Variants in MICU1 observed in about 807,000 individuals in gnomAD.
MICU1 encodes calcium uptake protein 1, mitochondrial.
A neutral mutation model predicts 56.8 loss-of-function variants in MICU1; 45 were observed. The observed-to-expected ratio is 0.79, with a 90% confidence interval of 0.62 to 1.02. MICU1 has a LOEUF of 1.02. Among genes scored for constraint, MICU1 ranks in the 50% least tolerant of loss-of-function variants. The pLI, the probability that MICU1 is intolerant of heterozygous loss-of-function variation, is 0.00. For missense variants in MICU1, 504 were observed against 587.1 expected (o/e 0.86, Z 1.46); for synonymous variants, 186 against 195.1 (o/e 0.95, Z 0.39).
At chr10:72,398,148 A>T (rs544626134) in intron 10 of MICU1, among the ~76,000 whole-genome samples, 1 of 152,074 alleles carries the variant, frequency 6.6e-6, no homozygotes, top group Non-Finnish European at 1.5e-5. Flanking sequence ...ACTCAAAACC[A>T]CTCAACTACA....
intron 6 of MICU1, among the ~76,000 whole-genome samples, chr10:72,479,482 G>A (rs1866223104): frequency 6.6e-6 from 1 of 152,210 alleles, no homozygotes; most frequent in Admixed American, 6.5e-5. Flanking sequence ...CTTGACCGTA[G>A]TAAATGGAAG....
In MICU1 at chr10:72,423,349, T is replaced by A; in HGVS notation, c.956A>T (p.Asp319Val). 1 of 1,613,798 alleles carries A rather than the reference T, an allele frequency of 6.2e-7. No homozygotes were observed. Among genetic ancestry groups the A allele is most frequent in the Admixed American group, 1.7e-5 (1 of 59,966 alleles). Residue 319 changes from aspartate (D) to valine (V), a missense_variant, in exon 9 of 12, where the codon GAT becomes GTT. Asp to Val is a radical substitution (Grantham distance 152). Coordinates refer to ENST00000361114, the MANE Select transcript of MICU1 (RefSeq NM_001195518.2). ...AAACTGCCTCTCAGTAATTCTCCCA[T>A]CCACAGGGTCATGGCGTTCAAACTG... ...KLEFERHDPVDGRITERQFGG... is the reference protein window; with the variant it reads ...KLEFERHDPVVGRITERQFGG...
chr10:72,421,116 G>A (rs563128040), intron 9 of MICU1, among the ~76,000 whole-genome samples: 20 of 149,114 alleles, frequency 1.3e-4, no homozygotes, highest in African/African-American at 4.9e-4. Context: ...CTCCTGCCTC[G>A]GCCTCCCAAA....
At chr10:72,402,661 G>A (rs1863493779) in intron 10 of MICU1, among the ~76,000 whole-genome samples, 1 of 152,090 alleles carries the variant, frequency 6.6e-6, no homozygotes, top group Admixed American at 6.5e-5. Flanking sequence ...ATCAAACATT[G>A]TGGTCATCAA....
intron 1 of MICU1, among the ~76,000 whole-genome samples, chr10:72,584,731 G>A (rs1840998506): frequency 6.6e-6 from 1 of 151,902 alleles, no homozygotes; most frequent in Admixed American, 6.6e-5. Flanking sequence ...TTGAAGCGCT[G>A]GGGTTTCACT....
At chr10:72,467,508 C>A (rs1337823692) in intron 8 of MICU1, among the ~76,000 whole-genome samples, 2 of 151,744 alleles carry the variant, frequency 1.3e-5, no homozygotes, top group Non-Finnish European at 2.9e-5. Context: ...TTAATAGAAA[C>A]GGGGATTCGC....
At chr10:72,577,982 G>C (rs1313386793) in intron 1 of MICU1, among the ~76,000 whole-genome samples, 1 of 152,114 alleles carries the variant, frequency 6.6e-6, no homozygotes, top group Non-Finnish European at 1.5e-5. Context: ...GCAGGGTTTG[G>C]GAGAACTGAC....
At chr10:72,451,365 C>A (rs1865294730) in intron 8 of MICU1, among the ~76,000 whole-genome samples, 2 of 151,936 alleles carry the variant, frequency 1.3e-5, no homozygotes. Context: ...TCTTGGGGTC[C>A]TAATAGGCTT....
chr10:72,413,602 T>C (rs1188065825), intron 9 of MICU1, among the ~76,000 whole-genome samples: 1 of 151,966 alleles, frequency 6.6e-6, no homozygotes. Context: ...GCTGTGGTGG[T>C]GGGCACCTGT....
intron 4 of MICU1, among the ~76,000 whole-genome samples, chr10:72,546,083 G>A (rs1839886825): frequency 6.6e-6 from 1 of 152,172 alleles, no homozygotes; most frequent in Non-Finnish European, 1.5e-5. Context: ...TTTGGCTAAG[G>A]GGAGGGGTCC....
chr10:72,394,725 C>A (rs1002951555), intron 10 of MICU1, among the ~76,000 whole-genome samples: 4 of 152,156 alleles, frequency 2.6e-5, no homozygotes, highest in African/African-American at 9.7e-5. Context: ...AATCCTAGCA[C>A]TTTGGGAGGC....
chr10:72,589,292 G>GAA (rs756908942), intron 1 of MICU1, among the ~76,000 whole-genome samples: 5 of 140,174 alleles, frequency 3.6e-5, no homozygotes, highest in African/African-American at 1.3e-4. Context: ...CCGTCTCAGG[G>GAA]AAAAAAAAAA....
At chr10:72,369,770 G>A (rs1321430578) in intron 11 of MICU1, among the ~76,000 whole-genome samples, 26 of 152,014 alleles carry the variant, frequency 1.7e-4, no homozygotes, top group African/African-American at 5.8e-4. Flanking sequence ...GTGCAGTGGC[G>A]CGATCTCAGC....
chr10:72,610,019 GA>G lies in MICU1; in HGVS notation c.-2+15990del, dbSNP rs569496610. On this transcript the variant is annotated intron_variant, in intron 1 of 11. Coordinates refer to ENST00000361114, the MANE Select transcript of MICU1 (RefSeq NM_001195518.2). ...CACTGCACTCCAAGCCTGAGCGACA[GA>G]GCGAGACTCCATCTAAAAAAAAAAA... Among the ~76,000 whole-genome samples, 90 of 151,660 alleles carry G rather than the reference GA, an allele frequency of 5.9e-4. No homozygotes were observed. The East Asian group carries it at 0.016, about 27-fold the overall frequency.
At chr10:72,427,991 G>A (rs774576854) in intron 8 of MICU1, among the ~76,000 whole-genome samples, 6 of 151,952 alleles carry the variant, frequency 3.9e-5, no homozygotes, top group Non-Finnish European at 8.8e-5. Context: ...AAACCTACCC[G>A]GTGAGCATGA....
chr10:72,420,678 AT>A (rs113493810), intron 9 of MICU1, among the ~76,000 whole-genome samples: 446 of 138,784 alleles, frequency 3.2e-3, no homozygotes, highest in Middle Eastern at 7.4e-3. Flanking sequence ...AGAGGCCTGG[AT>A]TTTTTTTTTT....
chr10:72,510,350 C>T (rs1197376102), intron 5 of MICU1, among the ~76,000 whole-genome samples: 2 of 152,150 alleles, frequency 1.3e-5, no homozygotes, highest in African/African-American at 4.8e-5. Context: ...CAACAGTTTA[C>T]ATATTACACA....
chr10:72,438,285 C>T (rs1589220094), intron 8 of MICU1, among the ~76,000 whole-genome samples: 1 of 152,196 alleles, frequency 6.6e-6, no homozygotes, highest in South Asian at 2.1e-4. Flanking sequence ...GAACAACTTG[C>T]TCCTGAATGA....
chr10:72,600,562 T>C (rs1841500324), intron 1 of MICU1, among the ~76,000 whole-genome samples: 1 of 148,978 alleles, frequency 6.7e-6, no homozygotes, highest in African/African-American at 2.5e-5. Context: ...GGCAGGAGAA[T>C]TGCTTGAACC....
Sources: gnomAD v4.1 joint callset for allele counts (sites outside exome capture counted in the v4.1 genomes callset) on GRCh38, gnomAD v4.1.1 for gene constraint, MANE v1.5 for transcripts, NCBI Gene and HGNC (gene_info 2026-07-23, HGNC 2026-07-21) for gene names.